Variants in NLGN1 observed in about 807,000 individuals in gnomAD.
NLGN1 encodes neuroligin 1, also known as neuroligin-1.
Under a neutral mutation model 65.5 loss-of-function variants are expected in NLGN1, and 12 were observed. The ratio of observed to expected loss-of-function variants is 0.18; its 90% CI spans 0.12 to 0.30. NLGN1 has a LOEUF of 0.30. Among genes scored for constraint, NLGN1 ranks in the 10% least tolerant of loss-of-function variants. The pLI is 1.00. For missense variants in NLGN1, 750 were observed against 1,007.1 expected, an observed-to-expected ratio of 0.74 and a Z score of 3.46; for synonymous variants, 350 against 359.5, an observed-to-expected ratio of 0.97 and a Z score of 0.30.
intron 4 of NLGN1, among the ~76,000 whole-genome samples, chr3:173,855,497 A>G (rs956067125): frequency 2.0e-5 from 3 of 152,130 alleles, no homozygotes; most frequent in Non-Finnish European, 2.9e-5. Context: ...ACCGAGCCCT[A>G]CATATTTGAA....
intron 4 of NLGN1, among the ~76,000 whole-genome samples, chr3:173,949,294 C>G (rs750368481): frequency 3.9e-5 from 6 of 152,028 alleles, no homozygotes; most frequent in East Asian, 1.9e-4. Context: ...TATGATGCAG[C>G]CTTTAGTCAT....
At chr3:174,070,437 T>G (rs1453192836) in intron 4 of NLGN1, among the ~76,000 whole-genome samples, 1 of 151,958 alleles carries the variant, frequency 6.6e-6, no homozygotes, top group African/African-American at 2.4e-5. Context: ...GTTCAAGTGA[T>G]TCTCCTGCCT....
At chr3:173,930,744 A>C (rs1164847242) in intron 4 of NLGN1, among the ~76,000 whole-genome samples, 3 of 152,212 alleles carry the variant, frequency 2.0e-5, no homozygotes, top group Non-Finnish European at 4.4e-5. Context: ...TGTCTTTTAA[A>C]CACCCTATAA....
intron 3 of NLGN1, among the ~76,000 whole-genome samples, chr3:173,630,154 A>C (rs1461437123): frequency 3.9e-5 from 6 of 151,958 alleles, no homozygotes; most frequent in African/African-American, 1.5e-4. Context: ...CTATTTTAGA[A>C]GTTATTACCA....
chr3:174,069,744 G>A (rs957150621), intron 4 of NLGN1, among the ~76,000 whole-genome samples: 1 of 152,124 alleles, frequency 6.6e-6, no homozygotes, highest in African/African-American at 2.4e-5. Context: ...ATCTCAGGGT[G>A]TCAGATAAGT....
At chr3:174,275,583 C>G in intron 5 of NLGN1, 56 bp downstream of exon 5, 1 of 1,002,646 alleles carries the variant, frequency 1.0e-6, no homozygotes, top group Non-Finnish European at 1.6e-6. Context: ...CCACCACCAT[C>G]AGTAGTATGT....
chr3:173,997,784 A>G (rs942985044), intron 4 of NLGN1, among the ~76,000 whole-genome samples: 5 of 152,060 alleles, frequency 3.3e-5, no homozygotes, highest in African/African-American at 7.2e-5. Flanking sequence ...AAATATCCTT[A>G]TTTATTCTAG....
At chr3:174,205,751 A>G (rs901050361) in intron 4 of NLGN1, among the ~76,000 whole-genome samples, 1 of 152,234 alleles carries the variant, frequency 6.6e-6, no homozygotes, top group East Asian at 1.9e-4. Flanking sequence ...TAGGAAATAC[A>G]GTGGCACTTA....
chr3:173,491,426 T>C (rs911604260), intron 2 of NLGN1, among the ~76,000 whole-genome samples: 2 of 151,876 alleles, frequency 1.3e-5, no homozygotes, highest in African/African-American at 4.9e-5. Context: ...GAACCAGCCT[T>C]GCATCTGAGG....
intron 3 of NLGN1, among the ~76,000 whole-genome samples, chr3:173,784,343 A>G (rs903017797): frequency 1.3e-5 from 2 of 152,156 alleles, no homozygotes; most frequent in African/African-American, 2.4e-5. Flanking sequence ...GGACTAGGTA[A>G]TTTCCTGGAG....
chr3:174,133,093 G>A (rs1236122032), intron 4 of NLGN1, among the ~76,000 whole-genome samples: 1 of 152,146 alleles, frequency 6.6e-6, no homozygotes, highest in Non-Finnish European at 1.5e-5. Flanking sequence ...TTCCTTCTAT[G>A]TCCATTTAGC....
chr3:173,837,308 G>T (rs6445121), intron 4 of NLGN1, among the ~76,000 whole-genome samples: 113,114 of 151,976 alleles, frequency 0.74, 42,727 homozygotes, highest in African/African-American at 0.85. Flanking sequence ...AGTAAAATCA[G>T]GCATATACTT....
chr3:173,912,269 C>G (rs1019067905), intron 4 of NLGN1, among the ~76,000 whole-genome samples: 7 of 152,100 alleles, frequency 4.6e-5, no homozygotes, highest in African/African-American at 1.7e-4. Flanking sequence ...CTCTTTGATT[C>G]AACAATTCCA....
intron 4 of NLGN1, among the ~76,000 whole-genome samples, chr3:174,119,547 A>T (rs1717300402): frequency 6.6e-6 from 1 of 152,130 alleles, no homozygotes. Context: ...CAATCATTCT[A>T]TGGACTTACA....
At chr3:173,953,619 A>G (rs969187273) in intron 4 of NLGN1, among the ~76,000 whole-genome samples, 11 of 152,184 alleles carry the variant, frequency 7.2e-5, no homozygotes, top group African/African-American at 2.4e-4. Context: ...CAGTGGCACT[A>G]TCATGGCTCA....
chr3:173,586,634 A>G (rs529616861), intron 2 of NLGN1, among the ~76,000 whole-genome samples: 25 of 152,332 alleles, frequency 1.6e-4, no homozygotes, highest in Non-Finnish European at 3.1e-4. Flanking sequence ...GTGTAGGCTT[A>G]TTTAGAGATT....
At chr3:173,796,142 T>A (rs1280098793) in intron 3 of NLGN1, among the ~76,000 whole-genome samples, 1 of 152,126 alleles carries the variant, frequency 6.6e-6, no homozygotes, top group African/African-American at 2.4e-5. Flanking sequence ...TAATTTCTGC[T>A]GAATTGAACC....
intron 4 of NLGN1, among the ~76,000 whole-genome samples, chr3:173,942,865 A>T (rs568435880): frequency 1.3e-5 from 2 of 152,302 alleles, no homozygotes; most frequent in South Asian, 4.1e-4. Context: ...TTAATTAAAC[A>T]TACAATTTAT....
intron 3 of NLGN1, among the ~76,000 whole-genome samples, chr3:173,742,483 T>C (rs913538240): frequency 2.6e-5 from 4 of 152,194 alleles, no homozygotes; most frequent in Admixed American, 2.6e-4. Flanking sequence ...ACCTTTATTA[T>C]GATCTTTTTA....
Sources: gnomAD v4.1 joint callset for allele counts (sites outside exome capture counted in the v4.1 genomes callset) on GRCh38, gnomAD v4.1.1 for gene constraint, MANE v1.5 for transcripts, NCBI Gene and HGNC (gene_info 2026-07-23, HGNC 2026-07-21) for gene names.